Variants in FAF1 observed in about 807,000 individuals in gnomAD.
FAF1 encodes Fas associated factor 1.
FAF1 carries 25 observed loss-of-function variants against 92.5 expected under a neutral mutation model. The observed-to-expected ratio is 0.27, with a 90% CI of 0.20 to 0.38. The LOEUF is 0.38. Ranked by LOEUF, FAF1 falls within the 10% of genes least tolerant of loss-of-function variation. FAF1 has a pLI of 1.00. For missense variants in FAF1, 636 were observed against 793.3 expected, an observed-to-expected ratio of 0.80 and a Z score of 2.38; for synonymous variants, 234 against 273.2, an observed-to-expected ratio of 0.86 and a Z score of 1.42.
chr1:50,784,325 T>C (rs1661288444), intron 4 of FAF1, among the ~76,000 whole-genome samples: 1 of 151,960 alleles, frequency 6.6e-6, no homozygotes, highest in Admixed American at 6.6e-5. Context: ...AACTAATAAA[T>C]AATACAAAAT....
intron 8 of FAF1, among the ~76,000 whole-genome samples, chr1:50,638,033 T>C (rs1654141630): frequency 6.6e-6 from 1 of 152,148 alleles, no homozygotes; most frequent in Non-Finnish European, 1.5e-5. Flanking sequence ...ATTTTATTAA[T>C]GTATCCTTAA....
At chr1:50,530,123 A>C (rs933694594) in intron 15 of FAF1, among the ~76,000 whole-genome samples, 10 of 152,056 alleles carry the variant, frequency 6.6e-5, no homozygotes, top group Non-Finnish European at 1.3e-4. Context: ...AATGTTTAAA[A>C]ATATCGTATT....
chr1:50,538,751 G>A (rs1648616008), intron 14 of FAF1, among the ~76,000 whole-genome samples: 1 of 152,090 alleles, frequency 6.6e-6, no homozygotes. Flanking sequence ...AGTTCCCCTG[G>A]AGGTCTTTTT....
At chr1:50,927,568 T>C (rs1419097172) in intron 1 of FAF1, among the ~76,000 whole-genome samples, 1 of 152,138 alleles carries the variant, frequency 6.6e-6, no homozygotes, top group Non-Finnish European at 1.5e-5. Flanking sequence ...TACTGTGTGG[T>C]TTCATATACA....
chr1:50,885,556 T>G (rs1180007209), intron 1 of FAF1, among the ~76,000 whole-genome samples: 1 of 152,162 alleles, frequency 6.6e-6, no homozygotes, highest in African/African-American at 2.4e-5. Context: ...ATCCCTTTAT[T>G]TTCAGTCTAT....
intron 15 of FAF1, among the ~76,000 whole-genome samples, chr1:50,533,987 A>C (rs1197105694): frequency 2.0e-5 from 3 of 152,170 alleles, no homozygotes; most frequent in Non-Finnish European, 4.4e-5. Flanking sequence ...TAATCATACC[A>C]ATCTGTGCTA....
intron 12 of FAF1, among the ~76,000 whole-genome samples, chr1:50,574,896 C>CTGTTTTTT (rs1558000811): frequency 1.1e-4 from 14 of 122,912 alleles, no homozygotes; most frequent in African/African-American, 4.5e-4. Flanking sequence ...GTTGTATTAA[C>CTGTTTTTT]TCTTTTTTTT....
At chr1:50,675,244 A>C (rs977480353) in intron 7 of FAF1, among the ~76,000 whole-genome samples, 7 of 152,138 alleles carry the variant, frequency 4.6e-5, no homozygotes, top group African/African-American at 1.4e-4. Context: ...TGCATATATT[A>C]ATGTTTCTTC....
chr1:50,770,294 T>C (rs1370565244), intron 4 of FAF1, among the ~76,000 whole-genome samples: 2 of 152,108 alleles, frequency 1.3e-5, no homozygotes, highest in African/African-American at 4.8e-5. Context: ...GGCATCCAAA[T>C]AGGAAGAGAG....
intron 4 of FAF1, among the ~76,000 whole-genome samples, chr1:50,750,419 G>C (rs1437707222): frequency 1.3e-5 from 2 of 152,194 alleles, no homozygotes; most frequent in South Asian, 2.1e-4. Flanking sequence ...ACTCACTCAT[G>C]AGTTTAGCCA....
intron 15 of FAF1, among the ~76,000 whole-genome samples, chr1:50,512,115 G>A (rs1366446874): frequency 6.6e-6 from 1 of 152,092 alleles, no homozygotes; most frequent in African/African-American, 2.4e-5. Context: ...ACTTGTTTAA[G>A]TTCTTTGTAG....
rs112367658 is a variant in FAF1, at chr1:50,686,369, C to G, written c.657+19417G>C. 1.9e-3 allele frequency among the ~76,000 whole-genome samples: 293 copies of G among 152,050 alleles called. 2 individuals are homozygous for G. Among genetic ancestry groups the G allele is most frequent in the African/African-American group, 6.7e-3 (276 of 41,472 alleles). ...ACCAGCCTGACCAACATGGAGAAAC[C>G]CCGTCCCTACTAAAAATACAAAATT... On this transcript the variant is annotated intron_variant, in intron 7 of 18. Transcript: ENST00000396153.
intron 1 of FAF1, among the ~76,000 whole-genome samples, chr1:50,884,661 T>A (rs1417971502): frequency 6.6e-6 from 1 of 152,194 alleles, no homozygotes; most frequent in African/African-American, 2.4e-5. Flanking sequence ...TTTTGTTTGC[T>A]AGTATTTTGT....
intron 15 of FAF1, among the ~76,000 whole-genome samples, chr1:50,534,549 C>T (rs560781114): frequency 6.6e-6 from 1 of 152,290 alleles, no homozygotes; most frequent in African/African-American, 2.4e-5. Context: ...GCTGGGATTA[C>T]AGGTGTGAGC....
At chr1:50,468,042 C>G (rs1385551145) in intron 18 of FAF1, among the ~76,000 whole-genome samples, 1 of 152,038 alleles carries the variant, frequency 6.6e-6, no homozygotes, top group Non-Finnish European at 1.5e-5. Flanking sequence ...AATCCCATTT[C>G]TATAAAAAAT....
intron 9 of FAF1, among the ~76,000 whole-genome samples, chr1:50,591,635 T>C (rs1369060243): frequency 7.2e-6 from 1 of 138,194 alleles, no homozygotes; most frequent in African/African-American, 2.8e-5. Context: ...ATCGCACCAC[T>C]GCACTCCACC....
chr1:50,569,746 A>T (rs374641137), intron 12 of FAF1, among the ~76,000 whole-genome samples: 1 of 152,126 alleles, frequency 6.6e-6, no homozygotes, highest in East Asian at 1.9e-4. Flanking sequence ...TGGGAAAGAG[A>T]TTAGTGATTT....
chr1:50,784,016 TAGAA>T (rs1380340475), intron 4 of FAF1, among the ~76,000 whole-genome samples: 2 of 152,060 alleles, frequency 1.3e-5, no homozygotes, highest in African/African-American at 4.8e-5. Flanking sequence ...CTGAACAAAC[TAGAA>T]ATAAAAGGAA....
chr1:50,670,127 G>GAAAAAAAAAA (rs1008153553), intron 7 of FAF1, among the ~76,000 whole-genome samples: 2 of 74,724 alleles, frequency 2.7e-5, no homozygotes, highest in African/African-American at 4.6e-5. Context: ...GTCTCAAAAA[G>GAAAAAAAAAA]AAAAAAAAAA....
Sources: gnomAD v4.1 joint callset for allele counts (sites outside exome capture counted in the v4.1 genomes callset) on GRCh38, gnomAD v4.1.1 for gene constraint, MANE v1.5 for transcripts, NCBI Gene and HGNC (gene_info 2026-07-23, HGNC 2026-07-21) for gene names.